Variants in ITFG1 observed in about 807,000 individuals in gnomAD.
ITFG1 encodes T-cell immunomodulatory protein.
A neutral mutation model predicts 81.8 loss-of-function variants in ITFG1; 34 were observed. The observed-to-expected ratio is 0.42, with a 90% CI of 0.32 to 0.55. The LOEUF (loss-of-function observed/expected upper bound fraction) is 0.55, where lower values mean the gene tolerates loss of function less well. Ranked by LOEUF, ITFG1 falls within the 20% of genes least tolerant of loss-of-function variation. The pLI, the probability that ITFG1 is intolerant of heterozygous loss-of-function variation, is 0.17. For synonymous variants in ITFG1, 285 were observed against 270.6 expected, an observed-to-expected ratio of 1.05 and a Z score of -0.52; for missense variants, 672 against 755.4, an observed-to-expected ratio of 0.89 and a Z score of 1.29.
chr16:47,263,246 G>A (rs976260728), intron 10 of ITFG1: 9 of 357,334 alleles, frequency 2.5e-5, no homozygotes, highest in Non-Finnish European at 5.1e-5. Flanking sequence ...GATCTCAGGG[G>A]CCACCTTCTC....
intron 6 of ITFG1, among the ~76,000 whole-genome samples, chr16:47,419,957 T>C (rs1567493829): frequency 1.3e-5 from 2 of 150,352 alleles, no homozygotes; most frequent in Non-Finnish European, 3.0e-5. Flanking sequence ...ATCTTCTCTT[T>C]TTTTTTTTTT....
chr16:47,393,393 T>G (rs1436969637), intron 6 of ITFG1, among the ~76,000 whole-genome samples: 3 of 151,890 alleles, frequency 2.0e-5, no homozygotes, highest in Non-Finnish European at 2.9e-5. Flanking sequence ...AACTCCTAGG[T>G]GTTAAGGAGA....
intron 8 of ITFG1, among the ~76,000 whole-genome samples, chr16:47,326,714 C>A (rs1056437258): frequency 6.6e-6 from 1 of 152,170 alleles, no homozygotes; most frequent in South Asian, 2.1e-4. Flanking sequence ...TGAGTGAACT[C>A]CCATTCACAA....
At chr16:47,220,792 T>C (rs985157122) in intron 13 of ITFG1, among the ~76,000 whole-genome samples, 1 of 152,152 alleles carries the variant, frequency 6.6e-6, no homozygotes, top group Non-Finnish European at 1.5e-5. Flanking sequence ...CAGAGTAGTG[T>C]AGAATCACTT....
intron 6 of ITFG1, among the ~76,000 whole-genome samples, chr16:47,418,939 T>A (rs1193901249): frequency 6.6e-6 from 1 of 152,198 alleles, no homozygotes; most frequent in Non-Finnish European, 1.5e-5. Context: ...AATGCCATTG[T>A]TATTTTGATA....
chr16:47,216,499 C>T (rs751311551), intron 14 of ITFG1, among the ~76,000 whole-genome samples: 2 of 151,912 alleles, frequency 1.3e-5, no homozygotes, highest in Non-Finnish European at 2.9e-5. Context: ...CTGCACCCAG[C>T]GCATCTTTTT....
At chr16:47,457,106 T>A (rs1969463578) in intron 2 of ITFG1, among the ~76,000 whole-genome samples, 2 of 152,070 alleles carry the variant, frequency 1.3e-5, no homozygotes, top group Non-Finnish European at 2.9e-5. Context: ...GGTCGGGAGC[T>A]CGAGACCAGC....
At chr16:47,393,530 A>G (rs1968557381) in intron 6 of ITFG1, among the ~76,000 whole-genome samples, 1 of 152,150 alleles carries the variant, frequency 6.6e-6, no homozygotes, top group Non-Finnish European at 1.5e-5. Context: ...CAGGAGTTTG[A>G]AACCAGACTG....
intron 6 of ITFG1, among the ~76,000 whole-genome samples, chr16:47,416,060 C>T (rs1285587030): frequency 6.6e-6 from 1 of 152,102 alleles, no homozygotes; most frequent in Non-Finnish European, 1.5e-5. Flanking sequence ...CACCATTGCA[C>T]TCCAGCCTGG....
chr16:47,338,880 G>A (rs956876384), intron 8 of ITFG1, among the ~76,000 whole-genome samples: 1 of 152,096 alleles, frequency 6.6e-6, no homozygotes, highest in Non-Finnish European at 1.5e-5. Flanking sequence ...TCACAATGCT[G>A]CATTAACAAA....
At position 47,274,904 on chromosome 16, in the gene ITFG1, G is replaced by A. The variant is rs1310088950; in HGVS notation, c.1071-14209C>T. On this transcript the variant is annotated intron_variant, in intron 10 of 17. Transcript: ENST00000320640. ...TGAAAAAGCCTTTCAGAAAGTCCAT[G>A]ATTGTTCCTTCACTCTTTAGAATTC... Among the ~76,000 whole-genome samples the A allele has an allele frequency of 2.0e-5, 3 of 152,244 alleles. No homozygotes were observed. The East Asian group carries it at 5.8e-4, about 29-fold the overall frequency.
chr16:47,285,026 A>G (rs1303777610), intron 10 of ITFG1, among the ~76,000 whole-genome samples: 2 of 152,214 alleles, frequency 1.3e-5, no homozygotes, highest in African/African-American at 4.8e-5. Flanking sequence ...GGTATTATAC[A>G]TATTAGTTTT....
intron 8 of ITFG1, among the ~76,000 whole-genome samples, chr16:47,362,758 T>G (rs905578903): frequency 6.6e-6 from 1 of 152,246 alleles, no homozygotes; most frequent in African/African-American, 2.4e-5. Context: ...ATGGCATTAA[T>G]TTCATAATCA....
At chr16:47,400,843 C>T (rs957341366) in intron 6 of ITFG1, among the ~76,000 whole-genome samples, 15 of 151,992 alleles carry the variant, frequency 9.9e-5, no homozygotes, top group Middle Eastern at 3.2e-3. Context: ...GAGCACTTGG[C>T]GGGGACCAGA....
chr16:47,357,268 A>C (rs1968051864), intron 8 of ITFG1, among the ~76,000 whole-genome samples: 1 of 152,150 alleles, frequency 6.6e-6, no homozygotes, highest in Non-Finnish European at 1.5e-5. Context: ...AAGTATGCTA[A>C]ATTTAATATT....
At chr16:47,309,434 TC>T (rs1248013591) in intron 10 of ITFG1, among the ~76,000 whole-genome samples, 1 of 152,182 alleles carries the variant, frequency 6.6e-6, no homozygotes, top group Non-Finnish European at 1.5e-5. Context: ...GAAATCACAA[TC>T]TGTCTTTGAA....
intron 6 of ITFG1, among the ~76,000 whole-genome samples, chr16:47,421,368 C>T (rs1374523104): frequency 4.0e-5 from 6 of 151,688 alleles, no homozygotes; most frequent in South Asian, 2.1e-4. Flanking sequence ...AGCAGTGGCG[C>T]GATCCTGGCT....
intron 6 of ITFG1, among the ~76,000 whole-genome samples, chr16:47,421,819 A>C (rs1424490024): frequency 2.0e-5 from 3 of 151,936 alleles, no homozygotes; most frequent in Non-Finnish European, 2.9e-5. Context: ...CTAATGCTAT[A>C]CCTCCCACAG....
chr16:47,339,171 A>C (rs879012293), intron 8 of ITFG1, among the ~76,000 whole-genome samples: 1 of 152,236 alleles, frequency 6.6e-6, no homozygotes, highest in Non-Finnish European at 1.5e-5. Context: ...TCAGTTATAT[A>C]GATGTACCAC....
Sources: allele counts gnomAD v4.1 joint callset (sites outside exome capture counted in the v4.1 genomes callset), GRCh38; gene constraint gnomAD v4.1.1; transcripts MANE v1.5; gene names NCBI Gene and HGNC (gene_info 2026-07-23, HGNC 2026-07-21).